Variants in CTNND1 observed in about 807,000 individuals in gnomAD.
The protein encoded by CTNND1 is catenin delta 1.
CTNND1 carries 16 observed loss-of-function variants against 112.1 expected under a neutral mutation model. The ratio of observed to expected loss-of-function variants is 0.14; its 90% CI spans 0.10 to 0.22. The LOEUF (loss-of-function observed/expected upper bound fraction) is 0.22. Ranked by LOEUF, CTNND1 falls within the 10% of genes least tolerant of loss-of-function variation. The pLI, the probability that CTNND1 is intolerant of heterozygous loss-of-function variation, is 1.00. For missense variants in CTNND1, 1,008 were observed against 1,257.0 expected, an observed-to-expected ratio of 0.80 and a Z score of 3.00; for synonymous variants, 420 against 446.5, an observed-to-expected ratio of 0.94 and a Z score of 0.75.
chr11:57,813,129 G>C (rs1013827896), intron 17 of CTNND1, among the ~76,000 whole-genome samples: 7 of 152,004 alleles, frequency 4.6e-5, no homozygotes, highest in African/African-American at 1.7e-4. Context: ...CCAGGAGTTT[G>C]AGACCAGCCT....
chr11:57,801,282 A>T (rs922664949), intron 6 of CTNND1, among the ~76,000 whole-genome samples: 1 of 152,148 alleles, frequency 6.6e-6, no homozygotes, highest in South Asian at 2.1e-4. Flanking sequence ...GTAAATGCCT[A>T]ATTTCCTGTT....
In CTNND1 at chr11:57,809,315, G is replaced by A; in HGVS notation, c.2284G>A (p.Gly762Arg). 6.2e-7 allele frequency: 1 copy of A among 1,613,868 alleles called. No homozygotes were observed. Among genetic ancestry groups the A allele is most frequent in the Non-Finnish European group, 8.5e-7 (1 of 1,179,802 alleles). The change falls in exon 15 of 21, where the codon GGA (glycine) becomes AGA (arginine). Residue 762 changes from glycine to arginine, a missense_variant. Gly to Arg is a moderately radical substitution (Grantham distance 125, BLOSUM62 -2). This residue lies in a region of CTNND1 where 254 missense variants were observed against 279.5 expected (regional missense o/e 0.91). Transcript: ENST00000399050. ...IPNLVKNLPG[G>R]QQNSSWNFSE... The stretch of plus-strand genomic sequence containing the variant: ...TAACTTGGTAAAGAATCTGCCAGGA[G>A]GACAGCAGAACTCCTCTTGGAATTT...
At chr11:57,763,611 AAAG>A (rs1399232020) in intron 1 of CTNND1, among the ~76,000 whole-genome samples, 1 of 152,238 alleles carries the variant, frequency 6.6e-6, no homozygotes, top group African/African-American at 2.4e-5. Flanking sequence ...GTACAGTTAA[AAAG>A]AAAGAAAAAA....
intron 3 of CTNND1, among the ~76,000 whole-genome samples, chr11:57,792,119 CA>C (rs2136710175): frequency 6.6e-6 from 1 of 152,244 alleles, no homozygotes; most frequent in South Asian, 2.1e-4. Context: ...TGGCAGTATC[CA>C]TAAATTGTGT....
chr11:57,762,811 G>A (rs1489491675), intron 1 of CTNND1, among the ~76,000 whole-genome samples: 2 of 152,176 alleles, frequency 1.3e-5, no homozygotes, highest in East Asian at 1.9e-4. Flanking sequence ...ATTTGTGGAG[G>A]TGTTTGTTAA....
rs11570227 is a variant in CTNND1 at position 57,816,339 on chromosome 11, A to T, written c.*31A>T. 19 of 1,612,314 alleles carry T rather than the reference A, an allele frequency of 1.2e-5. No homozygotes were observed. Among genetic ancestry groups the T allele is most frequent in the Non-Finnish European group, 1.6e-5 (19 of 1,178,844 alleles). Reference sequence around the variant, plus strand: ...CTATCTCCGTTCCATCTGGGCTTATATGTACTTTTATTTTTTGGTGGTGAA... The same window carrying T: ...CTATCTCCGTTCCATCTGGGCTTATTTGTACTTTTATTTTTTGGTGGTGAA... On this transcript the variant is annotated 3_prime_UTR_variant, in exon 21 of 21. Coordinates refer to ENST00000399050, the MANE Select transcript of CTNND1 (RefSeq NM_001085458.2).
intron 4 of CTNND1, 72 bp downstream of exon 4, chr11:57,794,153 TTG>T: frequency 7.2e-7 from 1 of 1,382,336 alleles, no homozygotes; most frequent in Non-Finnish European, 1.0e-6. Context: ...AAGAGCATAT[TTG>T]TGTCTTGTAA....
rs571948794 is a variant in CTNND1 at position 57,810,158 on chromosome 11, A to G, written c.2485A>G (p.Ile829Val). Reference sequence around the variant, plus strand: ...AGCAGCAGCACTTGTATTACAGACAATCTGGGGATATAAGGAACTGCGGAA... The same window carrying G: ...AGCAGCAGCACTTGTATTACAGACAGTCTGGGGATATAAGGAACTGCGGAA... ...VRAAALVLQT[I>V]WGYKELRKPL... The change falls in exon 16 of 21, where the codon ATC becomes GTC. Residue 829 changes from isoleucine (I) to valine (V), a missense_variant. Physicochemically the swap from Ile to Val is conservative, Grantham distance 29 (BLOSUM62 3). Around this residue, in one of 5 missense-constraint regions of CTNND1, gnomAD observed 28 missense variants for 60.6 expected, o/e 0.46. Coordinates refer to ENST00000399050, the MANE Select transcript of CTNND1 (RefSeq NM_001085458.2). 5.0e-6 allele frequency: 8 copies of G among 1,613,208 alleles called. No individual in the cohort carries two copies. The South Asian group carries it at 7.7e-5, about 16-fold the overall frequency.
rs1344033132 is a variant in CTNND1 at position 57,772,857 on chromosome 11, CTCTT to C, written c.-214+10742_-214+10745del. Among the ~76,000 whole-genome samples the C allele has an allele frequency of 2.6e-5, 4 of 152,002 alleles. No homozygotes were observed. The East Asian group carries it at 7.7e-4, about 29-fold the overall frequency. ...TCTCTCTCCCTCTCCCTCTTTCTCT[CTCTT>C]TCTCTCACCCGTCTCCTCCTCTCTC... On this transcript the variant is annotated intron_variant, in intron 1 of 20. Transcript: ENST00000399050.
intron 1 of CTNND1, among the ~76,000 whole-genome samples, chr11:57,773,012 C>T (rs1392698041): frequency 6.6e-6 from 1 of 152,150 alleles, no homozygotes; most frequent in Non-Finnish European, 1.5e-5. Context: ...TTTTTTTCTT[C>T]CCATCTCCTC....
intron 1 of CTNND1, among the ~76,000 whole-genome samples, chr11:57,767,477 T>G (rs1363837461): frequency 6.6e-6 from 1 of 152,226 alleles, no homozygotes; most frequent in Non-Finnish European, 1.5e-5. Flanking sequence ...AAATGCTTTA[T>G]TCTATATTTT....
At chr11:57,776,292 A>G (rs909785182) in intron 1 of CTNND1, among the ~76,000 whole-genome samples, 2 of 152,118 alleles carry the variant, frequency 1.3e-5, no homozygotes, top group African/African-American at 4.8e-5. Flanking sequence ...TCATCAAGCT[A>G]TCTCAATTAC....
At chr11:57,794,918 C>T (rs1030253217) in intron 4 of CTNND1, among the ~76,000 whole-genome samples, 4 of 150,442 alleles carry the variant, frequency 2.7e-5, no homozygotes, top group Non-Finnish European at 4.4e-5. Context: ...TTTATTTTGG[C>T]CAGGCGTGGT....
Position 57,808,206 on chromosome 11 carries a change from A to C in CTNND1, c.2005A>C (p.Ile669Leu). The change falls in exon 13 of 21, where the codon ATC becomes CTC. Residue 669 changes from isoleucine (I) to leucine (L), a missense_variant. By Grantham distance (5) the Ile-to-Leu change is conservative. Transcript: ENST00000399050. ...TCAGCCAGAGGTGGTTCGGATATAC[A>C]TCTCACTTCTTAAGGAGAGCAAGAC... is the stretch of plus-strand genomic sequence containing the variant. ...LFQPEVVRIY[I>L]SLLKESKTPA... 1.2e-6 allele frequency: 2 copies of C among 1,613,856 alleles called. No homozygotes were observed. Among genetic ancestry groups the C allele is most frequent in the Non-Finnish European group, 1.7e-6 (2 of 1,179,778 alleles).
At position 57,796,578 on chromosome 11, in the gene CTNND1, A is replaced by G; in HGVS notation, c.542A>G (p.Asp181Gly). 6.2e-7 allele frequency: 1 copy of G among 1,613,936 alleles called. No individual in the cohort carries two copies. Residue 181 changes from aspartate to glycine, a missense_variant, in exon 6 of 21, where the codon GAT becomes GGT. Asp to Gly is a moderately conservative substitution (Grantham distance 94). Coordinates refer to ENST00000399050, the MANE Select transcript of CTNND1 (RefSeq NM_001085458.2). The part of the protein sequence containing the change: ...SNNYIQTLGR[D>G]FRKNGNGGPG... Reference sequence around the variant, plus strand: ...AACTATATCCAGACTTTGGGTCGTGATTTCCGCAAGAATGGCAATGGGGGA... The same window carrying G: ...AACTATATCCAGACTTTGGGTCGTGGTTTCCGCAAGAATGGCAATGGGGGA...
At position 57,795,702 on chromosome 11, in the gene CTNND1, T is replaced by G; in HGVS notation, c.393T>G (p.Asp131Glu). ...MSVVSVETSD[D>E]GTTRRTETTV... ...TAGTCTCTGTGGAGACCTCAGATGA[T>G]GGGACCACTCGGCGCACAGAGACCA... is the stretch of plus-strand genomic sequence containing the variant. The change falls in exon 5 of 21, where the codon GAT (aspartate) becomes GAG (glutamate). Residue 131 changes from aspartate to glutamate, a missense_variant. By Grantham distance (45) the Asp-to-Glu change is conservative (BLOSUM62 2). Around this residue, in one of 5 missense-constraint regions of CTNND1, gnomAD observed 404 missense variants for 457.9 expected, o/e 0.88. Coordinates refer to ENST00000399050, the MANE Select transcript of CTNND1 (RefSeq NM_001085458.2). The G allele has an allele frequency of 6.2e-7, 1 of 1,607,294 alleles. No homozygotes were observed. Among genetic ancestry groups the G allele is most frequent in the South Asian group, 1.1e-5 (1 of 89,956 alleles).
intron 1 of CTNND1, among the ~76,000 whole-genome samples, chr11:57,779,853 G>A (rs2059384967): frequency 6.6e-6 from 1 of 151,992 alleles, no homozygotes; most frequent in Non-Finnish European, 1.5e-5. Flanking sequence ...CTTTCCTCCT[G>A]AGTACTAGGT....
In CTNND1 at chr11:57,816,339, A is replaced by G. The variant is rs11570227; in HGVS notation, c.*31A>G. ...CTATCTCCGTTCCATCTGGGCTTAT[A>G]TGTACTTTTATTTTTTGGTGGTGAA... On this transcript the variant is annotated 3_prime_UTR_variant, in exon 21 of 21. Transcript: ENST00000399050. The G allele has an allele frequency of 1.6e-3, 2,565 of 1,612,428 alleles. 4 individuals are homozygous for G. Among genetic ancestry groups the G allele is most frequent in the Middle Eastern group, 8.8e-3 (52 of 5,936 alleles).
rs1448533302 is a variant in CTNND1, at chr11:57,810,166, A to T, written c.2493A>T (p.Gly831=). ...CACTTGTATTACAGACAATCTGGGG[A>T]TATAAGGAACTGCGGAAGCCACTGG... ...AAALVLQTIW[G]YKELRKPLEK... Residue 831 remains glycine, a synonymous_variant, in exon 16 of 21, where the codon GGA becomes GGT. Coordinates refer to ENST00000399050, the MANE Select transcript of CTNND1 (RefSeq NM_001085458.2). 1 of 1,613,092 alleles carries T rather than the reference A, an allele frequency of 6.2e-7. No individual in the cohort carries two copies. Among genetic ancestry groups the T allele is most frequent in the Admixed American group, 1.7e-5 (1 of 59,904 alleles).
Sources: allele counts gnomAD v4.1 joint callset (sites outside exome capture counted in the v4.1 genomes callset), GRCh38; gene constraint gnomAD v4.1.1; regional missense constraint gnomAD v4.1.1; transcripts MANE v1.5; gene names NCBI Gene and HGNC (gene_info 2026-07-23, HGNC 2026-07-21).